The following HFM1 variants were observed in gnomAD, a reference collection of about 807,000 sequenced individuals.
The protein encoded by HFM1 is probable ATP-dependent DNA helicase HFM1.
A neutral mutation model predicts 192.1 loss-of-function variants in HFM1; 169 were observed. The ratio of observed to expected loss-of-function variants is 0.88; its 90% CI spans 0.78 to 1.00. The LOEUF is 1.00. Among genes scored for constraint, HFM1 ranks in the 50% least tolerant of loss-of-function variants. HFM1 has a pLI of 0.00. For synonymous variants in HFM1, 525 were observed against 537.8 expected (o/e 0.98, Z 0.33); for missense variants, 1,661 against 1,668.0 (o/e 1.00, Z 0.07).
At chr1:91,327,610 C>A (rs1436764810) in intron 20 of HFM1, among the ~76,000 whole-genome samples, 1 of 152,192 alleles carries the variant, frequency 6.6e-6, no homozygotes, top group Non-Finnish European at 1.5e-5. Context: ...CAAACTTAAT[C>A]TGCACTATAG....
chr1:91,390,783 G>A (rs1270647080), intron 4 of HFM1, among the ~76,000 whole-genome samples: 2 of 152,036 alleles, frequency 1.3e-5, no homozygotes, highest in African/African-American at 2.4e-5. Flanking sequence ...AGAAATAATG[G>A]GTATTCAATT....
intron 36 of HFM1, among the ~76,000 whole-genome samples, chr1:91,264,669 A>AT (rs945853973): frequency 4.6e-5 from 7 of 152,040 alleles, no homozygotes; most frequent in South Asian, 2.1e-4. Context: ...CACCGCGAGT[A>AT]TTTTTTTAAA....
chr1:91,383,982 T>A (rs1661872227), intron 6 of HFM1, among the ~76,000 whole-genome samples: 1 of 151,842 alleles, frequency 6.6e-6, no homozygotes, highest in Non-Finnish European at 1.5e-5. Context: ...GGGGAAAAAA[T>A]AAAAAATAAA....
intron 34 of HFM1, among the ~76,000 whole-genome samples, chr1:91,270,761 G>A (rs1160144659): frequency 6.6e-6 from 1 of 152,076 alleles, no homozygotes; most frequent in Non-Finnish European, 1.5e-5. Flanking sequence ...GTTGAAAACA[G>A]TTCACTGAAT....
chr1:91,261,388 A>G, intron 38 of HFM1, 29 bp from the exon 39 acceptor site: 2 of 1,066,984 alleles, frequency 1.9e-6, no homozygotes, highest in Non-Finnish European at 2.5e-6. Flanking sequence ...AGTAAAAATA[A>G]CTATTTTTTA....
At chr1:91,261,761 T>C in intron 38 of HFM1, 1 of 156,070 alleles carries the variant, frequency 6.4e-6, no homozygotes, top group South Asian at 2.1e-4. Flanking sequence ...CTCAAATCTT[T>C]TGACTCTTCA....
Position 91,276,713 on chromosome 1 carries a change from A to C in HFM1, c.3503T>G (p.Ile1168Ser), listed in dbSNP as rs540774438. 10 of 1,552,970 alleles carry C rather than the reference A, an allele frequency of 6.4e-6. No individual in the cohort carries two copies. In the South Asian group the frequency reaches 1.2e-4, roughly 19 times the overall value. The change falls in exon 32 of 39, where the codon ATT (isoleucine) becomes AGT (serine). Residue 1168 changes from isoleucine to serine, a missense_variant. Coordinates refer to ENST00000370425, the MANE Select transcript of HFM1 (RefSeq NM_001017975.6). Reference protein sequence around the residue: ...CKIGVAQKSEIKESTISSYLS... With the variant: ...CKIGVAQKSESKESTISSYLS... ...ATATGAAGAAATTGTTGACTCTTTA[A>C]TTTCTGACTTCTGTGCAACTCCAAT... is the stretch of plus-strand genomic sequence containing the variant.
intron 30 of HFM1, among the ~76,000 whole-genome samples, chr1:91,283,483 G>C (rs1012081713): frequency 2.0e-5 from 3 of 152,228 alleles, no homozygotes; most frequent in Non-Finnish European, 4.4e-5. Context: ...GAACCTGTAA[G>C]TTCAAGCAAT....
intron 30 of HFM1, among the ~76,000 whole-genome samples, chr1:91,300,671 C>G (rs1039494177): frequency 2.6e-5 from 4 of 152,148 alleles, no homozygotes; most frequent in African/African-American, 4.8e-5. Flanking sequence ...TAAACAGAAT[C>G]AACAACAAAA....
At chr1:91,289,077 C>T (rs72499749) in intron 30 of HFM1, among the ~76,000 whole-genome samples, 59 of 151,634 alleles carry the variant, frequency 3.9e-4, no homozygotes, top group South Asian at 8.3e-4. Flanking sequence ...GGGCGGCTGC[C>T]GGGCGGAGAC....
At chr1:91,365,996 G>C (rs529045190) in intron 13 of HFM1, among the ~76,000 whole-genome samples, 19 of 148,772 alleles carry the variant, frequency 1.3e-4, no homozygotes, top group African/African-American at 4.7e-4. Context: ...GGAATAAAAA[G>C]AGATAAAGAA....
chr1:91,305,674 C>A (rs1649496123), intron 30 of HFM1, among the ~76,000 whole-genome samples: 1 of 151,802 alleles, frequency 6.6e-6, no homozygotes, highest in African/African-American at 2.4e-5. Context: ...CTCAAGTGAT[C>A]TTCCCATTTC....
At chr1:91,400,389 T>C (rs1571249566) in intron 2 of HFM1, among the ~76,000 whole-genome samples, 1 of 152,168 alleles carries the variant, frequency 6.6e-6, no homozygotes, top group Non-Finnish European at 1.5e-5. Flanking sequence ...CCTGAGCTAC[T>C]CTTTGAGCAT....
In HFM1 at chr1:91,352,982, CCT is replaced by C. The variant is rs541876447; in HGVS notation, c.1831+67_1831+68del. The C allele has an allele frequency of 5.5e-4, 553 of 1,008,700 alleles. 1 individual carries two copies. The African/African-American group carries it at 8.0e-3, about 15-fold the overall frequency. 62.5% of individuals were successfully genotyped at this position (1,008,700 alleles called of 1,614,324 possible). A position where few individuals can be genotyped will look rare whatever the true frequency, so the allele number is the denominator to read the frequency against. The stretch of plus-strand genomic sequence containing the variant: ...AACAAGCAGAACACTTGCGCTTTTT[CCT>C]TTTTTCCTCTTAAAAATAATTTTCC... On this transcript the variant is annotated intron_variant, in intron 15 of 38. Transcript: ENST00000370425.
chr1:91,297,594 T>G (rs919552671), intron 30 of HFM1, among the ~76,000 whole-genome samples: 2 of 152,162 alleles, frequency 1.3e-5, no homozygotes, highest in East Asian at 3.9e-4. Flanking sequence ...GAGACAAAAC[T>G]TCCAGAGGAA....
In HFM1 at chr1:91,394,190, C is replaced by T; in HGVS notation, c.397G>A (p.Gly133Ser). Residue 133 changes from glycine (G) to serine (S), a missense_variant, in exon 4 of 39, where the codon GGC becomes AGC. Transcript: ENST00000370425. ...CTCTTCTCAGGTGCTATCTCAGTGC[C>T]AATGTGATTTTTATATTTCTGAGAA... is the stretch of plus-strand genomic sequence containing the variant. ...YASQKYKNHIGTEIAPEKSVP... is the reference protein window; with the variant it reads ...YASQKYKNHISTEIAPEKSVP... The T allele has an allele frequency of 1.2e-6, 2 of 1,605,088 alleles. No homozygotes were observed. The highest frequency in any genetic ancestry group is 1.7e-6 in the Non-Finnish European group (2 of 1,171,972).
intron 20 of HFM1, among the ~76,000 whole-genome samples, chr1:91,335,258 T>G (rs1245091416): frequency 2.0e-5 from 3 of 152,124 alleles, no homozygotes; most frequent in Non-Finnish European, 4.4e-5. Context: ...AAAAAGGAGC[T>G]TCTGAGAGAA....
chr1:91,357,966 T>C lies in HFM1; in HGVS notation c.1686-4667A>G, dbSNP rs944405213. On this transcript the variant is annotated intron_variant, in intron 13 of 38. Transcript: ENST00000370425. ...TCCAAGACAAAAATAAATGGAAAGA[T>C]ATCCTGTGTTGATGGATTGAAAGAA... Among the ~76,000 whole-genome samples the C allele has an allele frequency of 4.6e-5, 7 of 152,174 alleles. No individual in the cohort carries two copies. The East Asian group carries it at 1.2e-3, about 25-fold the overall frequency.
intron 20 of HFM1, among the ~76,000 whole-genome samples, chr1:91,338,426 G>T (rs1654885780): frequency 6.6e-6 from 1 of 152,116 alleles, no homozygotes; most frequent in South Asian, 2.1e-4. Flanking sequence ...CCTCTTCTGG[G>T]GTCCCTCCAT....
Sources: gnomAD v4.1 joint callset for allele counts (sites outside exome capture counted in the v4.1 genomes callset) on GRCh38, gnomAD v4.1.1 for gene constraint, MANE v1.5 for transcripts, NCBI Gene and HGNC (gene_info 2026-07-23, HGNC 2026-07-21) for gene names.